Variants in SYCE3 observed in about 807,000 individuals in gnomAD.
The protein encoded by SYCE3 is synaptonemal complex central element protein 3.
In SYCE3, 3 loss-of-function variants were observed where a neutral mutation model predicts 8.1. That is an observed-to-expected ratio of 0.37 (90% CI 0.17 to 0.96). The LOEUF (loss-of-function observed/expected upper bound fraction) is 0.96, where lower values mean the gene tolerates loss of function less well. Among genes scored for constraint, SYCE3 ranks in the 40% least tolerant of loss-of-function variants. The pLI, the probability that SYCE3 is intolerant of heterozygous loss-of-function variation, is 0.41. For missense variants in SYCE3, 83 were observed against 110.0 expected, an observed-to-expected ratio of 0.75 and a Z score of 1.10; for synonymous variants, 36 against 38.7, an observed-to-expected ratio of 0.93 and a Z score of 0.26.
chr22:50,555,474 C>T (rs534484912), intron 2 of SYCE3, among the ~76,000 whole-genome samples: 233 of 152,236 alleles, frequency 1.5e-3, no homozygotes, highest in African/African-American at 3.9e-3. Context: ...GGGTATGCCT[C>T]GTTATACCTG....
At chr22:50,558,140 G>A (rs955499542) in intron 1 of SYCE3, among the ~76,000 whole-genome samples, 1 of 152,098 alleles carries the variant, frequency 6.6e-6, no homozygotes, top group Non-Finnish European at 1.5e-5. Context: ...AATCATGATC[G>A]TGGCCAAGCG....
In SYCE3 at chr22:50,551,113, G is replaced by T; in HGVS notation, c.*132C>A. The T allele has an allele frequency of 8.3e-7, 1 of 1,206,400 alleles. No homozygotes were observed. The highest frequency in any genetic ancestry group is 1.1e-6 in the Non-Finnish European group (1 of 870,568). 74.7% of individuals were successfully genotyped at this position (1,206,400 alleles called of 1,614,324 possible). On this transcript the variant is annotated 3_prime_UTR_variant, in exon 3 of 3. Coordinates refer to ENST00000406915, the MANE Select transcript of SYCE3 (RefSeq NM_001123225.3). ...ACAGGAGAGAAGAGGTCCTCGGGCT[G>T]TGCTTAAAAATAAGTTTATTAAGAA...
At chr22:50,556,573 C>T in intron 1 of SYCE3, 168 bp from the exon 2 acceptor site, 1 of 554,266 alleles carries the variant, frequency 1.8e-6, no homozygotes. Context: ...GGGAACATGT[C>T]TAAAGGCCCC....
chr22:50,556,101 GTACATCT>G (rs1408836776), intron 2 of SYCE3, among the ~76,000 whole-genome samples, 189 bp downstream of exon 2: 1 of 152,052 alleles, frequency 6.6e-6, no homozygotes, highest in Admixed American at 6.6e-5. Flanking sequence ...CCGAACCAGT[GTACATCT>G]TACAGGTACT....
intron 1 of SYCE3, 85 bp from the exon 2 acceptor site, chr22:50,556,490 T>C (rs1006975648): frequency 5.3e-6 from 5 of 945,896 alleles, no homozygotes; most frequent in Non-Finnish European, 8.0e-6. Flanking sequence ...GTGATTTCTC[T>C]AAGGAATTCT....
chr22:50,556,919 G>T (rs979836505), intron 1 of SYCE3, among the ~76,000 whole-genome samples: 3 of 152,136 alleles, frequency 2.0e-5, no homozygotes, highest in Non-Finnish European at 2.9e-5. Flanking sequence ...AGCGATGGGA[G>T]CCTGGAGGCG....
intron 2 of SYCE3, among the ~76,000 whole-genome samples, chr22:50,554,978 C>T (rs1259516089): frequency 1.3e-5 from 2 of 150,932 alleles, no homozygotes; most frequent in Admixed American, 6.6e-5. Context: ...AAAAATTAGC[C>T]AGGCGTGGTG....
chr22:50,561,402 G>A (rs1174698846), intron 1 of SYCE3, among the ~76,000 whole-genome samples: 1 of 152,044 alleles, frequency 6.6e-6, no homozygotes, highest in Non-Finnish European at 1.5e-5. Flanking sequence ...AGAATTCACG[G>A]CATTTCTTGC....
chr22:50,551,811 C>T (rs1339106317), intron 2 of SYCE3, among the ~76,000 whole-genome samples: 1 of 152,188 alleles, frequency 6.6e-6, no homozygotes, highest in Non-Finnish European at 1.5e-5. Flanking sequence ...TGTTTCCAGT[C>T]CTGCAAGACC....
chr22:50,557,220 G>A (rs574345389), intron 1 of SYCE3, among the ~76,000 whole-genome samples: 361 of 149,958 alleles, frequency 2.4e-3, no homozygotes, highest in Non-Finnish European at 4.1e-3. Context: ...ACAGTGGCAC[G>A]ATCTCGGCTC....
intron 2 of SYCE3, among the ~76,000 whole-genome samples, chr22:50,551,605 C>T (rs760918695): frequency 3.3e-5 from 5 of 152,242 alleles, no homozygotes; most frequent in Non-Finnish European, 5.9e-5. Flanking sequence ...CATAGTGACG[C>T]TTCCTAGTCT....
At position 50,551,161 on chromosome 22, in the gene SYCE3, T is replaced by C; in HGVS notation, c.*84A>G. The C allele has an allele frequency of 6.7e-7, 1 of 1,497,926 alleles. No individual in the cohort carries two copies. The highest frequency in any genetic ancestry group is 9.0e-7 in the Non-Finnish European group (1 of 1,108,924). The allele number at this position is 1,497,926 out of a possible 1,614,324, so 92.8% of individuals were successfully genotyped here. On this transcript the variant is annotated 3_prime_UTR_variant, in exon 3 of 3. Coordinates refer to ENST00000406915, the MANE Select transcript of SYCE3 (RefSeq NM_001123225.3). ...GAAACAAGTACAGTGCATACAGCTATTCATGTGGGTGCCAGCTCCATCCCC... is the reference window on the plus strand; with the variant it reads ...GAAACAAGTACAGTGCATACAGCTACTCATGTGGGTGCCAGCTCCATCCCC...
chr22:50,552,737 T>C (rs576212635), intron 2 of SYCE3, among the ~76,000 whole-genome samples: 3 of 152,300 alleles, frequency 2.0e-5, no homozygotes, highest in African/African-American at 4.8e-5. Flanking sequence ...CATTCACCTG[T>C]TGAAATCCTA....
intron 2 of SYCE3, among the ~76,000 whole-genome samples, chr22:50,551,721 A>C (rs1243610399): frequency 2.6e-5 from 4 of 152,224 alleles, no homozygotes; most frequent in Non-Finnish European, 1.5e-5. Flanking sequence ...CTCCTTACCT[A>C]CAAGCAGTTC....
intron 2 of SYCE3, among the ~76,000 whole-genome samples, chr22:50,553,789 C>G (rs10427934): frequency 0.084 from 12,731 of 152,062 alleles, 1,188 homozygotes; most frequent in African/African-American, 0.23. Context: ...CACCATATTG[C>G]CCAGGCTGGT....
intron 1 of SYCE3, 146 bp from the exon 2 acceptor site, chr22:50,556,551 T>G: frequency 1.7e-6 from 1 of 596,728 alleles, no homozygotes. Flanking sequence ...AGGGCTGTTG[T>G]GAAGGTTAAA....
intron 2 of SYCE3, among the ~76,000 whole-genome samples, chr22:50,554,064 G>A (rs184829191): frequency 2.3e-4 from 35 of 151,906 alleles, no homozygotes; most frequent in African/African-American, 8.5e-4. Flanking sequence ...GCATGGTGGC[G>A]GGCACCTGTA....
intron 2 of SYCE3, among the ~76,000 whole-genome samples, chr22:50,554,050 C>A (rs1379950706): frequency 3.9e-5 from 6 of 151,932 alleles, no homozygotes; most frequent in Non-Finnish European, 7.4e-5. Flanking sequence ...AAAAAATTAG[C>A]CATGCATGGT....
At chr22:50,555,675 G>T (rs981504813) in intron 2 of SYCE3, among the ~76,000 whole-genome samples, 1 of 151,996 alleles carries the variant, frequency 6.6e-6, no homozygotes. Context: ...TTGATTCCAG[G>T]TCTTTAGACC....
Sources: gnomAD v4.1 joint callset for allele counts (sites outside exome capture counted in the v4.1 genomes callset) on GRCh38, gnomAD v4.1.1 for gene constraint, MANE v1.5 for transcripts, NCBI Gene and HGNC (gene_info 2026-07-23, HGNC 2026-07-21) for gene names.